Variants in PRKDC observed in about 807,000 individuals in gnomAD.
PRKDC encodes the protein DNA-dependent protein kinase catalytic subunit.
Under a neutral mutation model 486.9 loss-of-function variants are expected in PRKDC, and 82 were observed. The observed-to-expected ratio is 0.17, with a 90% CI of 0.14 to 0.20. PRKDC has a LOEUF of 0.20. Ranked by LOEUF, PRKDC falls within the 10% of genes least tolerant of loss-of-function variation. PRKDC has a pLI of 1.00. For missense variants in PRKDC, 4,504 were observed against 5,038.2 expected (o/e 0.89, Z 3.21); for synonymous variants, 1,895 against 1,837.0 (o/e 1.03, Z -0.81).
At chr8:47,815,942 A>G (rs1189292904) in intron 68 of PRKDC, among the ~76,000 whole-genome samples, 3 of 152,188 alleles carry the variant, frequency 2.0e-5, no homozygotes, top group African/African-American at 7.2e-5. Flanking sequence ...GGGCATGGTA[A>G]GTAATGCCTG....
chr8:47,927,930 G>T, intron 19 of PRKDC, 40 bp from the exon 20 acceptor site: 2 of 1,394,448 alleles, frequency 1.4e-6, no homozygotes, highest in South Asian at 3.8e-5. Context: ...TCTGAATAGA[G>T]CCTACATTTG....
In PRKDC at chr8:47,798,228, G is replaced by C. The variant is rs745470247; in HGVS notation, c.10458+9C>G. The stretch of plus-strand genomic sequence containing the variant: ...GTTCCTTACCGCCAAGTAGAATAAA[G>C]ACACCAACCTCTTTTGTCATGAGGC... On this transcript the variant is annotated intron_variant, in intron 73 of 85. Transcript: ENST00000314191. 1 of 1,605,680 alleles carries C rather than the reference G, an allele frequency of 6.2e-7. No homozygotes were observed. The highest frequency in any genetic ancestry group is 8.5e-7 in the Non-Finnish European group (1 of 1,177,742).
Position 47,830,705 on chromosome 8 carries a change from T to A in PRKDC, c.8297A>T (p.Asp2766Val). 9 of 1,613,944 alleles carry A rather than the reference T, an allele frequency of 5.6e-6. No homozygotes were observed. The highest frequency in any genetic ancestry group is 7.6e-6 in the Non-Finnish European group (9 of 1,179,886). Reference sequence around the variant, plus strand: ...GCTTCTGTACAGAACGACCTGGGCATCCTGCTTCATTTTTAACTCACTCTT... The same window carrying A: ...GCTTCTGTACAGAACGACCTGGGCAACCTGCTTCATTTTTAACTCACTCTT... The part of the protein sequence containing the change: ...EIKSELKMKQ[D>V]AQVVLYRSYR... Residue 2766 changes from aspartate to valine, a missense_variant, in exon 61 of 86, where the codon GAT becomes GTT. Around this residue, in one of 6 missense-constraint regions of PRKDC, gnomAD observed 1,592 missense variants for 1,724.6 expected, o/e 0.92. Coordinates refer to ENST00000314191, the MANE Select transcript of PRKDC (RefSeq NM_006904.7).
rs757798117 is a variant in PRKDC at position 47,828,371 on chromosome 8, C to A, written c.8398-24G>T. 9 of 1,529,936 alleles carry A rather than the reference C, an allele frequency of 5.9e-6. No individual in the cohort carries two copies. The African/African-American group carries it at 9.8e-5, about 17-fold the overall frequency. 94.8% of individuals were successfully genotyped at this position (1,529,936 alleles called of 1,614,324 possible). A position where few individuals can be genotyped will look rare whatever the true frequency, so the allele number is the denominator to read the frequency against. On this transcript the variant is annotated intron_variant, in intron 61 of 85. Transcript: ENST00000314191. ...CTCTGTAAAAAATTCAAAACAAAGA[C>A]AAATTAGGATCTGAAGCAAAAATGC...
At chr8:47,777,599 A>G (rs2086627965) in intron 84 of PRKDC, 87 bp downstream of exon 84, 2 of 1,266,030 alleles carry the variant, frequency 1.6e-6, no homozygotes, top group South Asian at 1.6e-5. Flanking sequence ...ACATGACTCA[A>G]TGCACTTCCA....
intron 31 of PRKDC, 146 bp downstream of exon 31, chr8:47,892,993 C>G (rs868626678): frequency 1.1e-6 from 1 of 877,238 alleles, no homozygotes. Context: ...AAGAATGGAA[C>G]CCTTGCAGAG....
intron 54 of PRKDC, among the ~76,000 whole-genome samples, chr8:47,847,089 T>C (rs1243760827): frequency 6.6e-6 from 1 of 152,226 alleles, no homozygotes; most frequent in East Asian, 1.9e-4. Context: ...ACAGATTCAA[T>C]GCTATTCCTA....
intron 40 of PRKDC, among the ~76,000 whole-genome samples, chr8:47,876,186 A>T (rs1020198856): frequency 1.3e-5 from 2 of 152,220 alleles, no homozygotes; most frequent in African/African-American, 4.8e-5. Context: ...CATACTCAAT[A>T]AACTACCTAA....
chr8:47,863,301 TA>T, intron 42 of PRKDC, 97 bp downstream of exon 42: 9 of 1,034,478 alleles, frequency 8.7e-6, no homozygotes, highest in Middle Eastern at 3.2e-4. Context: ...GCTCAGTATC[TA>T]AATAAAATAT....
intron 3 of PRKDC, among the ~76,000 whole-genome samples, chr8:47,956,453 G>C (rs2090702122): frequency 6.6e-6 from 1 of 151,804 alleles, no homozygotes; most frequent in Non-Finnish European, 1.5e-5. Context: ...TAAGCAATTT[G>C]GGAGGCGGAG....
At chr8:47,901,285 C>T (rs1409137900) in intron 27 of PRKDC, among the ~76,000 whole-genome samples, 1 of 152,098 alleles carries the variant, frequency 6.6e-6, no homozygotes, top group East Asian at 1.9e-4. Context: ...ACCAGCTTGA[C>T]TAACATGGTG....
At chr8:47,778,846 CTTAAAA>C in intron 81 of PRKDC, 47 bp from the exon 82 acceptor site, 1 of 1,551,526 alleles carries the variant, frequency 6.4e-7, no homozygotes, top group South Asian at 1.2e-5. Context: ...ATTTCTCTGA[CTTAAAA>C]TTTAAATTTT....
chr8:47,820,985 T>A, intron 65 of PRKDC, 42 bp from the exon 66 acceptor site: 2 of 1,240,994 alleles, frequency 1.6e-6, no homozygotes, highest in Non-Finnish European at 2.2e-6. Context: ...AGAAGGCCAA[T>A]TTGAGTATGT....
At chr8:47,932,246 G>A (rs907073774) in intron 16 of PRKDC, among the ~76,000 whole-genome samples, 1 of 152,130 alleles carries the variant, frequency 6.6e-6, no homozygotes, top group Non-Finnish European at 1.5e-5. Flanking sequence ...ACCATGCCTG[G>A]CTAATTTTTT....
At chr8:47,946,857 C>A (rs2090540847) in intron 7 of PRKDC, among the ~76,000 whole-genome samples, 1 of 152,054 alleles carries the variant, frequency 6.6e-6, no homozygotes, top group East Asian at 1.9e-4. Flanking sequence ...CACTGCACAG[C>A]CCTCAGTCCC....
At chr8:47,823,445 CT>C (rs2087652360) in intron 64 of PRKDC, among the ~76,000 whole-genome samples, 1 of 151,780 alleles carries the variant, frequency 6.6e-6, no homozygotes, top group African/African-American at 2.4e-5. Context: ...AAGGCCTCCC[CT>C]GAAGCCAAGC....
chr8:47,942,509 A>C (rs1332594005), intron 10 of PRKDC, among the ~76,000 whole-genome samples: 1 of 152,176 alleles, frequency 6.6e-6, no homozygotes. Flanking sequence ...GGCTAACACA[A>C]CTGCCACACT....
rs563150054 is a variant in PRKDC, at chr8:47,850,849, G to A, written c.7006-1346C>T. The stretch of plus-strand genomic sequence containing the variant: ...TTTTGAGATGGAGTCTCACTCTGTC[G>A]CCCAGGCTGGAGTGCAGTGGTGTGA... On this transcript the variant is annotated intron_variant, in intron 52 of 85. Coordinates refer to ENST00000314191, the MANE Select transcript of PRKDC (RefSeq NM_006904.7). Among the ~76,000 whole-genome samples, 8 of 152,162 alleles carry A rather than the reference G, an allele frequency of 5.3e-5. No individual in the cohort carries two copies. In the East Asian group the frequency reaches 1.2e-3, roughly 22 times the overall value.
intron 68 of PRKDC, among the ~76,000 whole-genome samples, chr8:47,808,796 C>T (rs1012238827): frequency 6.6e-6 from 1 of 152,104 alleles, no homozygotes; most frequent in Non-Finnish European, 1.5e-5. Flanking sequence ...TCCAGGAACT[C>T]ATTTCCAATT....
Sources: gnomAD v4.1 joint callset for allele counts (sites outside exome capture counted in the v4.1 genomes callset) on GRCh38, gnomAD v4.1.1 for gene constraint, gnomAD v4.1.1 regional missense constraint, MANE v1.5 for transcripts, NCBI Gene and HGNC (gene_info 2026-07-23, HGNC 2026-07-21) for gene names.